Variants in TCF7L1 observed in about 807,000 individuals in gnomAD.
The protein encoded by TCF7L1 is transcription factor 7-like 1.
A neutral mutation model predicts 63.7 loss-of-function variants in TCF7L1; 18 were observed. The ratio of observed to expected loss-of-function variants is 0.28; its 90% CI spans 0.20 to 0.42. The LOEUF (loss-of-function observed/expected upper bound fraction) is 0.42, where lower values mean the gene tolerates loss of function less well. TCF7L1 is among the 10% of genes least tolerant of loss of function. The probability of loss-of-function intolerance (pLI) is 1.00; values close to 1 mark genes in which losing one functional copy is unlikely to be tolerated. For synonymous variants in TCF7L1, 355 were observed against 340.9 expected (o/e 1.04, Z -0.46); for missense variants, 654 against 779.3 (o/e 0.84, Z 1.91).
chr2:85,157,072 C>T (rs1171638147), intron 3 of TCF7L1, among the ~76,000 whole-genome samples: 1 of 152,118 alleles, frequency 6.6e-6, no homozygotes, highest in Non-Finnish European at 1.5e-5. Flanking sequence ...TACATATACA[C>T]ATATTATATA....
intron 3 of TCF7L1, among the ~76,000 whole-genome samples, chr2:85,175,870 C>T (rs1008765296): frequency 1.3e-5 from 2 of 152,200 alleles, no homozygotes; most frequent in Non-Finnish European, 2.9e-5. Context: ...CTCCCTTTCT[C>T]GCTGTCACCA....
At chr2:85,275,701 T>C (rs772709739) in intron 3 of TCF7L1, among the ~76,000 whole-genome samples, 1 of 152,058 alleles carries the variant, frequency 6.6e-6, no homozygotes, top group Non-Finnish European at 1.5e-5. Context: ...GGCAGATCAC[T>C]TGAGCTCAGG....
chr2:85,196,731 A>G (rs929136041), intron 3 of TCF7L1, among the ~76,000 whole-genome samples: 19 of 152,160 alleles, frequency 1.2e-4, no homozygotes, highest in African/African-American at 4.6e-4. Context: ...CACAGCTTCT[A>G]GAGGATAGTG....
intron 3 of TCF7L1, among the ~76,000 whole-genome samples, chr2:85,248,467 C>T (rs779830961): frequency 6.6e-6 from 1 of 152,182 alleles, no homozygotes; most frequent in Non-Finnish European, 1.5e-5. Context: ...ACCCAGTCTC[C>T]AAACTAGAGC....
chr2:85,235,650 G>A (rs12477587), intron 3 of TCF7L1, among the ~76,000 whole-genome samples: 28,115 of 152,010 alleles, frequency 0.18, 3,862 homozygotes, highest in East Asian at 0.6. Context: ...CTCTCCACTA[G>A]CCAAGGCATT....
chr2:85,234,260 C>T (rs537744803), intron 3 of TCF7L1, among the ~76,000 whole-genome samples: 4 of 151,196 alleles, frequency 2.6e-5, no homozygotes, highest in Middle Eastern at 3.4e-3. Context: ...CTCAGCCTCT[C>T]GAGTAGCTGG....
chr2:85,191,219 G>A (rs1421505747), intron 3 of TCF7L1, among the ~76,000 whole-genome samples: 2 of 152,188 alleles, frequency 1.3e-5, no homozygotes, highest in South Asian at 2.1e-4. Flanking sequence ...CCCTGGGGAG[G>A]TGATCACAAA....
At chr2:85,249,896 A>G (rs1006137325) in intron 3 of TCF7L1, among the ~76,000 whole-genome samples, 1 of 152,218 alleles carries the variant, frequency 6.6e-6, no homozygotes, top group Non-Finnish European at 1.5e-5. Context: ...AGGTGATAAC[A>G]TTATTTCTTT....
At chr2:85,250,442 A>AT (rs57121264) in intron 3 of TCF7L1, among the ~76,000 whole-genome samples, 36,721 of 148,914 alleles carry the variant, frequency 0.25, 4,586 homozygotes, top group Non-Finnish European at 0.28. Flanking sequence ...AAAAGTGAGA[A>AT]TTTTTTTTTT....
chr2:85,133,933 G>A lies in TCF7L1; in HGVS notation c.249G>A (p.Glu83=), dbSNP rs1045833977. Residue 83 remains glutamate, a splice_region_variant and synonymous_variant, in exon 1 of 12, where the codon GAG becomes GAA. Transcript: ENST00000282111. The surrounding 1 kb of genome is among the most constrained non-coding windows in gnomAD (Gnocchi z 4.4). ...ACCAGAGCAGCAGCTCGGACTCGGA[G>A]GTAAGGAAGCACCGCGGCCACCCCC... ...SENQSSSSDS[E]AERRPQPVRD... is the part of the protein sequence containing the mutation. 8 of 1,539,772 alleles carry A rather than the reference G, an allele frequency of 5.2e-6. No homozygotes were observed. The highest frequency in any genetic ancestry group is 1.9e-5 in the Admixed American group (1 of 51,538).
At chr2:85,302,092 C>T (rs1040114540) in intron 4 of TCF7L1, among the ~76,000 whole-genome samples, 1 of 152,108 alleles carries the variant, frequency 6.6e-6, no homozygotes, top group Non-Finnish European at 1.5e-5. Flanking sequence ...CATGCTACTG[C>T]ACTCCAGCCT....
chr2:85,273,863 C>T (rs1001046631), intron 3 of TCF7L1, among the ~76,000 whole-genome samples: 39 of 152,028 alleles, frequency 2.6e-4, no homozygotes, highest in African/African-American at 8.9e-4. Flanking sequence ...GGCAGAGTGG[C>T]GTGGGTGGGT....
intron 3 of TCF7L1, among the ~76,000 whole-genome samples, chr2:85,201,796 A>G (rs1212143081): frequency 1.3e-5 from 2 of 152,072 alleles, no homozygotes; most frequent in South Asian, 2.1e-4. Context: ...GACTATAGCT[A>G]TCCTAATGGA....
rs569398238 is a variant in TCF7L1, at chr2:85,140,783, C to T, written c.441+6333C>T. On this transcript the variant is annotated intron_variant, in intron 3 of 11. Coordinates refer to ENST00000282111, the MANE Select transcript of TCF7L1 (RefSeq NM_031283.3). ...GGCTGAGGCAGGAGAATTGCTTTAA[C>T]CTGGGAGGCAGAGGTTGCAGTGAGC... Among the ~76,000 whole-genome samples the T allele has an allele frequency of 2.0e-5, 3 of 152,064 alleles. No individual in the cohort carries two copies. In the South Asian group the frequency reaches 6.2e-4, roughly 32 times the overall value.
intron 3 of TCF7L1, among the ~76,000 whole-genome samples, chr2:85,204,425 T>G (rs941048818): frequency 2.6e-5 from 4 of 151,986 alleles, no homozygotes; most frequent in Non-Finnish European, 4.4e-5. Flanking sequence ...CCCATGTTGG[T>G]AGGCATGTTA....
chr2:85,146,532 G>C (rs1287766469), intron 3 of TCF7L1, among the ~76,000 whole-genome samples: 3 of 114,210 alleles, frequency 2.6e-5, no homozygotes, highest in Non-Finnish European at 5.0e-5. Context: ...ATGGAGTTTC[G>C]CTCTTGTTGC....
intron 3 of TCF7L1, among the ~76,000 whole-genome samples, chr2:85,165,095 G>T (rs1402652555): frequency 6.6e-6 from 1 of 152,222 alleles, no homozygotes; most frequent in Non-Finnish European, 1.5e-5. Context: ...CCAAGGAGTG[G>T]TCTGTGGCAT....
chr2:85,289,110 A>G (rs1018252238), intron 4 of TCF7L1, among the ~76,000 whole-genome samples: 4 of 152,204 alleles, frequency 2.6e-5, no homozygotes, highest in African/African-American at 7.2e-5. Context: ...TTGAAACCGT[A>G]AAAGTAATGC....
At chr2:85,140,706 A>T (rs1677708039) in intron 3 of TCF7L1, among the ~76,000 whole-genome samples, 1 of 152,110 alleles carries the variant, frequency 6.6e-6, no homozygotes, top group Admixed American at 6.6e-5. Context: ...AGGCTGAGGT[A>T]GGAGAATCAC....
Sources: allele counts gnomAD v4.1 joint callset (sites outside exome capture counted in the v4.1 genomes callset), GRCh38; gene constraint gnomAD v4.1.1; non-coding constraint Gnocchi (gnomAD v3.1); transcripts MANE v1.5; gene names NCBI Gene and HGNC (gene_info 2026-07-23, HGNC 2026-07-21).